Variants in PIK3R1 observed in about 807,000 individuals in gnomAD.
The protein encoded by PIK3R1 is phosphatidylinositol 3-kinase regulatory subunit alpha.
A neutral mutation model predicts 98.0 loss-of-function variants in PIK3R1; 29 were observed. The ratio of observed to expected loss-of-function variants is 0.30; its 90% CI spans 0.22 to 0.40. The LOEUF is 0.40. Among genes scored for constraint, PIK3R1 ranks in the 10% least tolerant of loss-of-function variants. The probability of loss-of-function intolerance (pLI) is 1.00; values close to 1 mark genes in which losing one functional copy is unlikely to be tolerated. For missense variants in PIK3R1, 596 were observed against 872.7 expected (o/e 0.68, Z 3.99); for synonymous variants, 282 against 311.8 (o/e 0.90, Z 1.01).
intron 7 of PIK3R1, among the ~76,000 whole-genome samples, 173 bp downstream of exon 7, chr5:68,281,179 A>C (rs1042541773): frequency 2.0e-5 from 3 of 152,160 alleles, no homozygotes; most frequent in Admixed American, 2.0e-4. Context: ...TGTATATGTT[A>C]ATTATTATCC....
At chr5:68,270,193 A>C (rs1303591762) in intron 2 of PIK3R1, among the ~76,000 whole-genome samples, 1 of 152,210 alleles carries the variant, frequency 6.6e-6, no homozygotes, top group Non-Finnish European at 1.5e-5. Context: ...TGTGTAAAAC[A>C]TATAATGTTT....
intron 7 of PIK3R1, among the ~76,000 whole-genome samples, chr5:68,287,397 C>CT (rs1227410719): frequency 2.6e-5 from 4 of 152,036 alleles, no homozygotes; most frequent in African/African-American, 9.7e-5. Flanking sequence ...AGATTGGGTT[C>CT]TAGTCTTAGG....
rs888530850 is a variant in PIK3R1, at chr5:68,296,279, G to A, written c.1923G>A (p.Lys641=). 3 of 1,614,096 alleles carry A rather than the reference G, an allele frequency of 1.9e-6. No homozygotes were observed. Among genetic ancestry groups the A allele is most frequent in the Non-Finnish European group, 2.5e-6 (3 of 1,180,040 alleles). Residue 641 remains lysine, a synonymous_variant, in exon 15 of 16, where the codon AAG becomes AAA. Transcript: ENST00000521381. The stretch of plus-strand genomic sequence containing the variant: ...AAGCTGAAAACCTGTTGCGAGGGAA[G>A]CGAGATGGCACTTTTCTTGTCCGGG... The part of the protein sequence containing the change: ...RNKAENLLRG[K]RDGTFLVRES...
chr5:68,240,639 A>T (rs541952216), intron 2 of PIK3R1, among the ~76,000 whole-genome samples: 2 of 152,162 alleles, frequency 1.3e-5, no homozygotes, highest in Admixed American at 1.3e-4. Context: ...GCCTACCCCA[A>T]ATAAGTGAAT....
At chr5:68,267,997 A>G (rs1345942865) in intron 2 of PIK3R1, among the ~76,000 whole-genome samples, 1 of 152,152 alleles carries the variant, frequency 6.6e-6, no homozygotes, top group Non-Finnish European at 1.5e-5. Flanking sequence ...AATCTAAACA[A>G]TAATAAAGAT....
chr5:68,293,935 G>C (rs183691728), intron 11 of PIK3R1, 101 bp downstream of exon 11: 1 of 886,490 alleles, frequency 1.1e-6, no homozygotes, highest in East Asian at 2.7e-5. Context: ...TACGAATGAG[G>C]TGGGGGTGAG....
At chr5:68,260,832 G>A (rs1040814794) in intron 2 of PIK3R1, among the ~76,000 whole-genome samples, 1 of 152,074 alleles carries the variant, frequency 6.6e-6, no homozygotes, top group Non-Finnish European at 1.5e-5. Context: ...TTGTAACTTT[G>A]GAATACATTT....
chr5:68,233,046 G>C (rs867679073), intron 2 of PIK3R1, among the ~76,000 whole-genome samples: 2 of 152,098 alleles, frequency 1.3e-5, no homozygotes, highest in Admixed American at 1.3e-4. Context: ...GAGACATTCT[G>C]ATTAGTAAGA....
rs3729981 is a variant in PIK3R1, at chr5:68,297,535, T to C, written c.2109T>C (p.Leu703=). Residue 703 remains leucine (L), a synonymous_variant, in exon 16 of 16, where the codon CTT becomes CTC. Transcript: ENST00000521381. ...ELVLHYQHTS[L]VQHNDSLNVT... is the part of the protein sequence containing the mutation. The stretch of plus-strand genomic sequence containing the variant: ...TGCTACATTACCAACACACCTCCCT[T>C]GTGCAGCACAACGACTCCCTCAATG... 8.8e-3 allele frequency: 14,241 copies of C among 1,614,152 alleles called. 931 individuals carry two copies. In the African/African-American group the frequency reaches 0.15, roughly 17 times the overall value.
intron 1 of PIK3R1, among the ~76,000 whole-genome samples, chr5:68,216,343 C>G (rs1426697832): frequency 2.6e-5 from 4 of 152,234 alleles, no homozygotes; most frequent in Non-Finnish European, 5.9e-5. Context: ...GGCCCCTCAC[C>G]GGAGGAGAGC....
At chr5:68,219,294 T>C (rs1400341928) in intron 1 of PIK3R1, among the ~76,000 whole-genome samples, 1 of 152,222 alleles carries the variant, frequency 6.6e-6, no homozygotes, top group Non-Finnish European at 1.5e-5. Context: ...CAGGCACCTG[T>C]AGTCAAAATA....
Position 68,293,869 on chromosome 5 carries a change from G to GAGT in PIK3R1, c.1425+36_1425+38dup, listed in dbSNP as rs146841842. 8,490 of 1,502,706 alleles carry GAGT rather than the reference G, an allele frequency of 5.6e-3. 412 individuals are homozygous for GAGT. The African/African-American group carries it at 0.1, about 18-fold the overall frequency. 93.1% of individuals were successfully genotyped at this position (1,502,706 alleles called of 1,614,324 possible). ...CTATGAAAATCAGATTAAAAAATAA[G>GAGT]AGTTCTAAACTTTTAAAGACTAACA... On this transcript the variant is annotated intron_variant, in intron 11 of 15. Coordinates refer to ENST00000521381, the MANE Select transcript of PIK3R1 (RefSeq NM_181523.3).
At chr5:68,276,992 A>G (rs1561286922) in intron 4 of PIK3R1, among the ~76,000 whole-genome samples, 1 of 152,172 alleles carries the variant, frequency 6.6e-6, no homozygotes, top group Non-Finnish European at 1.5e-5. Flanking sequence ...CTCCTTGGGA[A>G]GTGTCTTGTT....
chr5:68,287,818 G>A (rs921417800), intron 7 of PIK3R1, among the ~76,000 whole-genome samples: 7 of 152,140 alleles, frequency 4.6e-5, no homozygotes, highest in Admixed American at 4.6e-4. Context: ...GTTTTATTCT[G>A]AATCGTCACA....
At chr5:68,292,557 C>G (rs562029374) in intron 8 of PIK3R1, 196 bp downstream of exon 8, 2 of 1,504,430 alleles carry the variant, frequency 1.3e-6, no homozygotes, top group Non-Finnish European at 1.8e-6. Flanking sequence ...ATTAAATACC[C>G]GGGAAGTTTC....
At position 68,297,864 on chromosome 5, in the gene PIK3R1, A is replaced by T. The variant is rs1203768793; in HGVS notation, c.*263A>T. 1.6e-5 allele frequency: 5 copies of T among 311,640 alleles called. No homozygotes were observed. Among genetic ancestry groups the T allele is most frequent in the Non-Finnish European group, 2.9e-5 (5 of 169,536 alleles). The allele number at this position is 311,640 out of a possible 1,614,324, so 19.3% of individuals were successfully genotyped here. ...TTTGGTTTAATTTAAAGCCACAACC[A>T]CATACAACACAAAGAGAAAAAGAAA... is the stretch of plus-strand genomic sequence containing the variant. On this transcript the variant is annotated 3_prime_UTR_variant, in exon 16 of 16. Coordinates refer to ENST00000521381, the MANE Select transcript of PIK3R1 (RefSeq NM_181523.3).
At chr5:68,295,927 G>A (rs1580266641) in intron 14 of PIK3R1, among the ~76,000 whole-genome samples, 1 of 152,338 alleles carries the variant, frequency 6.6e-6, no homozygotes, top group East Asian at 1.9e-4. Context: ...GTACCTGAGT[G>A]TGGTTGCTTG....
intron 2 of PIK3R1, among the ~76,000 whole-genome samples, chr5:68,273,160 GAAAGGCCATA>G (rs1466975468): frequency 6.6e-6 from 1 of 152,158 alleles, no homozygotes; most frequent in Non-Finnish European, 1.5e-5. Context: ...GGACCTGGGG[GAAAGGCCATA>G]AGAGGCCATT....
chr5:68,301,513 T>A lies in PIK3R1; in HGVS notation c.*3912T>A, dbSNP rs553187167. The A allele has an allele frequency of 1.3e-5, 2 of 148,956 alleles. No individual in the cohort carries two copies. The highest frequency in any genetic ancestry group is 6.9e-5 in the Admixed American group (1 of 14,480). The allele number at this position is 148,956 out of a possible 1,614,324, so 9.2% of individuals were successfully genotyped here. ...ATATATGCACATATATATATGTATTTAAAAAAATCAAAACAAAAAAAAACT... is the reference window on the plus strand; with the variant it reads ...ATATATGCACATATATATATGTATTAAAAAAAATCAAAACAAAAAAAAACT... On this transcript the variant is annotated 3_prime_UTR_variant, in exon 16 of 16. Transcript: ENST00000521381.
Sources: allele counts gnomAD v4.1 joint callset (sites outside exome capture counted in the v4.1 genomes callset), GRCh38; gene constraint gnomAD v4.1.1; transcripts MANE v1.5; gene names NCBI Gene and HGNC (gene_info 2026-07-23, HGNC 2026-07-21).